Variants in PLSCR4 observed in about 807,000 individuals in gnomAD.
PLSCR4 encodes the protein phospholipid scramblase 4, also known as Ca(2+)-dependent phospholipid scramblase 4.
A neutral mutation model predicts 36.3 loss-of-function variants in PLSCR4; 25 were observed. That is an observed-to-expected ratio of 0.69 (90% CI 0.50 to 0.96). The LOEUF is 0.96. PLSCR4 is among the 40% of genes least tolerant of loss of function. The probability of loss-of-function intolerance (pLI) is 0.00; values close to 1 mark genes in which losing one functional copy is unlikely to be tolerated. For missense variants in PLSCR4, 408 were observed against 414.7 expected, an observed-to-expected ratio of 0.98 and a Z score of 0.14; for synonymous variants, 122 against 132.9, an observed-to-expected ratio of 0.92 and a Z score of 0.56.
chr3:146,199,199 A>G (rs149104616), intron 6 of PLSCR4, among the ~76,000 whole-genome samples: 13 of 152,262 alleles, frequency 8.5e-5, no homozygotes, highest in African/African-American at 3.1e-4. Context: ...TAAGTAGGTG[A>G]CATATCTAGA....
chr3:146,228,107 G>T (rs2035553638), intron 1 of PLSCR4, among the ~76,000 whole-genome samples: 1 of 152,120 alleles, frequency 6.6e-6, no homozygotes, highest in Non-Finnish European at 1.5e-5. Context: ...TAATCATGGG[G>T]ATGATGATGG....
chr3:146,244,208 C>T (rs10935614), intron 1 of PLSCR4, among the ~76,000 whole-genome samples: 116,214 of 152,038 alleles, frequency 0.76, 45,540 homozygotes, highest in Non-Finnish European at 0.86. Flanking sequence ...GTTCAACGTA[C>T]GTAAACGTTT....
intron 4 of PLSCR4, among the ~76,000 whole-genome samples, chr3:146,201,638 G>A (rs2034053414): frequency 6.6e-6 from 1 of 152,044 alleles, no homozygotes; most frequent in African/African-American, 2.4e-5. Flanking sequence ...CAAAGGCCAG[G>A]GTCTTCCCCA....
At position 146,219,869 on chromosome 3, in the gene PLSCR4, G is replaced by A. The variant is rs148755037; in HGVS notation, c.118+946C>T. 2.2e-4 allele frequency among the ~76,000 whole-genome samples: 34 copies of A among 152,248 alleles called. No individual in the cohort carries two copies. In the East Asian group the frequency reaches 6.6e-3, roughly 29 times the overall value. The stretch of plus-strand genomic sequence containing the variant: ...GCAGGAGAATCACTTGAACCTGGGA[G>A]GTGGAGGTTGTGGTGAGCCAAGATC... On this transcript the variant is annotated intron_variant, in intron 3 of 8. Transcript: ENST00000354952.
chr3:146,214,038 C>A (rs1283182802), intron 3 of PLSCR4, among the ~76,000 whole-genome samples: 1 of 149,974 alleles, frequency 6.7e-6, no homozygotes, highest in African/African-American at 2.5e-5. Context: ...TTTATTTATG[C>A]TCTAATCTTT....
intron 1 of PLSCR4, among the ~76,000 whole-genome samples, chr3:146,248,013 A>T (rs189667171): frequency 5.2e-4 from 79 of 152,350 alleles, no homozygotes; most frequent in African/African-American, 1.8e-3. Flanking sequence ...CTGAAGAATG[A>T]GTACTATAAA....
At chr3:146,205,364 C>G (rs545753643) in intron 4 of PLSCR4, among the ~76,000 whole-genome samples, 1 of 151,906 alleles carries the variant, frequency 6.6e-6, no homozygotes, top group Non-Finnish European at 1.5e-5. Context: ...ATTAATTTTA[C>G]TATAGATCTT....
chr3:146,245,489 GAA>G (rs1559931063), intron 1 of PLSCR4, among the ~76,000 whole-genome samples: 3 of 151,860 alleles, frequency 2.0e-5, no homozygotes, highest in African/African-American at 7.2e-5. Context: ...AATGCAAAAC[GAA>G]AATAGTAGTG....
At chr3:146,218,109 A>G (rs3804654) in intron 3 of PLSCR4, among the ~76,000 whole-genome samples, 113,092 of 151,902 alleles carry the variant, frequency 0.74, 42,464 homozygotes, top group South Asian at 0.81. Context: ...GTAACAGGAA[A>G]CAATGTCAAA....
intron 1 of PLSCR4, among the ~76,000 whole-genome samples, chr3:146,234,272 T>C (rs1441974751): frequency 6.6e-6 from 1 of 152,182 alleles, no homozygotes; most frequent in Admixed American, 6.5e-5. Flanking sequence ...AGACACTAGA[T>C]GCAGAGACAG....
chr3:146,204,753 G>A (rs2034232032), intron 4 of PLSCR4, among the ~76,000 whole-genome samples: 1 of 151,984 alleles, frequency 6.6e-6, no homozygotes, highest in Non-Finnish European at 1.5e-5. Flanking sequence ...GACTGTAGAA[G>A]ATGTTAGATT....
chr3:146,204,155 T>G (rs1174046005), intron 4 of PLSCR4, among the ~76,000 whole-genome samples: 1 of 151,980 alleles, frequency 6.6e-6, no homozygotes, highest in Non-Finnish European at 1.5e-5. Context: ...GACAAATTGG[T>G]AAAGTCACTG....
chr3:146,199,488 T>C (rs2033925606), intron 6 of PLSCR4, among the ~76,000 whole-genome samples: 1 of 152,140 alleles, frequency 6.6e-6, no homozygotes. Flanking sequence ...TTGCTTTATC[T>C]AGTGATAGGT....
Position 146,199,968 on chromosome 3 carries a change from T to G in PLSCR4, c.469A>C (p.Thr157Pro), listed in dbSNP as rs759055438. 1.2e-6 allele frequency: 2 copies of G among 1,613,388 alleles called. No homozygotes were observed. Among genetic ancestry groups the G allele is most frequent in the Non-Finnish European group, 8.5e-7 (1 of 1,179,520 alleles). The change falls in exon 6 of 9, where the codon ACC (threonine) becomes CCC (proline). Residue 157 changes from threonine to proline, a missense_variant. By Grantham distance (38) the Thr-to-Pro change is conservative. Transcript: ENST00000354952. ...CTGGTAAAGTCATCTGTGTCTTCGG[T>G]TACAATGTAAACCATCTGGTCTGAG... ...NNSDQMVYIV[T>P]EDTDDFTRNA...
At chr3:146,204,178 C>G (rs2034197364) in intron 4 of PLSCR4, among the ~76,000 whole-genome samples, 1 of 151,894 alleles carries the variant, frequency 6.6e-6, no homozygotes, top group Admixed American at 6.6e-5. Context: ...AAAGCCAAGA[C>G]TCTGAAAATA....
At chr3:146,224,138 C>T (rs1280938119) in intron 1 of PLSCR4, among the ~76,000 whole-genome samples, 2 of 151,834 alleles carry the variant, frequency 1.3e-5, no homozygotes, top group African/African-American at 4.8e-5. Flanking sequence ...CTGGAAGTGA[C>T]TCTTGCACAT....
intron 3 of PLSCR4, among the ~76,000 whole-genome samples, chr3:146,213,602 C>T (rs939565796): frequency 6.6e-6 from 1 of 152,142 alleles, no homozygotes; most frequent in Non-Finnish European, 1.5e-5. Flanking sequence ...GGATTACAGG[C>T]GTGAACCACA....
At chr3:146,233,409 A>G (rs1559923913) in intron 1 of PLSCR4, among the ~76,000 whole-genome samples, 1 of 152,170 alleles carries the variant, frequency 6.6e-6, no homozygotes, top group Non-Finnish European at 1.5e-5. Flanking sequence ...TTACATTTCA[A>G]TTTAAAGCTA....
chr3:146,226,959 C>G (rs1248747682), intron 1 of PLSCR4, among the ~76,000 whole-genome samples: 1 of 137,626 alleles, frequency 7.3e-6, no homozygotes, highest in African/African-American at 2.8e-5. Context: ...GTATTTTTTT[C>G]TCACCACCCT....
Sources: gnomAD v4.1 joint callset for allele counts (sites outside exome capture counted in the v4.1 genomes callset) on GRCh38, gnomAD v4.1.1 for gene constraint, MANE v1.5 for transcripts, NCBI Gene and HGNC (gene_info 2026-07-23, HGNC 2026-07-21) for gene names.